The following SLC30A7 variants were observed in gnomAD, a reference collection of about 807,000 sequenced individuals.
SLC30A7 encodes zinc transporter 7.
A neutral mutation model predicts 46.0 loss-of-function variants in SLC30A7; 35 were observed. That is an observed-to-expected ratio of 0.76 (90% CI 0.58 to 1.01). The LOEUF is 1.01. Ranked by LOEUF, SLC30A7 falls within the 50% of genes least tolerant of loss-of-function variation. The probability of loss-of-function intolerance (pLI) is 0.00; values close to 1 mark genes in which losing one functional copy is unlikely to be tolerated. For synonymous variants in SLC30A7, 147 were observed against 157.8 expected (o/e 0.93, Z 0.51); for missense variants, 464 against 451.1 (o/e 1.03, Z -0.26).
At chr1:100,943,798 T>C (rs1287067443) in intron 8 of SLC30A7, among the ~76,000 whole-genome samples, 1 of 152,228 alleles carries the variant, frequency 6.6e-6, no homozygotes, top group Non-Finnish European at 1.5e-5. Flanking sequence ...TGTGGTAATG[T>C]GGTATGATTT....
At chr1:100,938,969 C>T (rs541945524) in intron 8 of SLC30A7, among the ~76,000 whole-genome samples, 1 of 152,310 alleles carries the variant, frequency 6.6e-6, no homozygotes, top group East Asian at 1.9e-4. Context: ...CCCACTCCCT[C>T]CTCTCTCTAG....
chr1:100,961,121 A>ATT (rs796193858), intron 8 of SLC30A7, among the ~76,000 whole-genome samples: 15 of 141,660 alleles, frequency 1.1e-4, no homozygotes, highest in South Asian at 4.6e-4. Flanking sequence ...TGCCCGGCTG[A>ATT]TTTTTTTTTT....
chr1:100,926,130 A>G (rs1177496659), intron 8 of SLC30A7, among the ~76,000 whole-genome samples: 1 of 152,176 alleles, frequency 6.6e-6, no homozygotes, highest in Non-Finnish European at 1.5e-5. Context: ...CCTACTTATA[A>G]ACTTCTCTGT....
chr1:100,985,928 CA>C (rs149965383), downstream of SLC30A7, among the ~76,000 whole-genome samples: 805 of 152,214 alleles, frequency 5.3e-3, 5 homozygotes, highest in African/African-American at 0.018. Context: ...ATATATCTTA[CA>C]AAAGGTTTTA....
chr1:100,978,861 C>A lies in SLC30A7; in HGVS notation c.*4004C>A, dbSNP rs1025498111. 3.3e-5 allele frequency: 5 copies of A among 152,108 alleles called. No homozygotes were observed. Among genetic ancestry groups the A allele is most frequent in the Non-Finnish European group, 7.4e-5 (5 of 67,990 alleles). 9.4% of individuals were successfully genotyped at this position (152,108 alleles called of 1,614,324 possible). On this transcript the variant is annotated 3_prime_UTR_variant, in exon 11 of 11. Coordinates refer to ENST00000357650, the MANE Select transcript of SLC30A7 (RefSeq NM_133496.5). ...AACCAGTTCCTGACATTTTAAAAAA[C>A]AATATCTGTAAAATGGATCCTTTTA...
At chr1:100,913,599 A>C (rs1022397212) in intron 5 of SLC30A7, 64 bp from the exon 6 acceptor site, 1 of 1,238,442 alleles carries the variant, frequency 8.1e-7, no homozygotes. Flanking sequence ...TAGTGTCAGT[A>C]TAATTGTAAC....
chr1:100,965,346 T>G (rs1457975453), intron 9 of SLC30A7, among the ~76,000 whole-genome samples: 1 of 152,258 alleles, frequency 6.6e-6, no homozygotes, highest in Non-Finnish European at 1.5e-5. Flanking sequence ...GATTTGGGTA[T>G]CTGTCTTTTT....
chr1:100,946,612 G>T (rs1654654153), intron 8 of SLC30A7, among the ~76,000 whole-genome samples: 1 of 152,190 alleles, frequency 6.6e-6, no homozygotes, highest in East Asian at 1.9e-4. Flanking sequence ...TGTTGAACCA[G>T]CCTTGCATCC....
At chr1:100,992,780 A>G in the SLC30A7 span, 17 of 1,372,036 alleles carry the variant, frequency 1.2e-5, no homozygotes, top group South Asian at 1.3e-4. Flanking sequence ...CTTAGCCATG[A>G]AACTACATAA....
chr1:100,898,250 T>A (rs1651096599), intron 2 of SLC30A7, among the ~76,000 whole-genome samples: 1 of 152,206 alleles, frequency 6.6e-6, no homozygotes, highest in Non-Finnish European at 1.5e-5. Flanking sequence ...AAATATCTCA[T>A]TCAAGAGATT....
chr1:100,941,787 A>C, intron 8 of SLC30A7: 1 of 610,262 alleles, frequency 1.6e-6, no homozygotes, highest in Non-Finnish European at 3.1e-6. Flanking sequence ...TGACAAACCC[A>C]AAGCCCCTGG....
At chr1:100,983,574 CTT>C (rs1050621645), downstream of SLC30A7, among the ~76,000 whole-genome samples, 1 of 152,124 alleles carries the variant, frequency 6.6e-6, no homozygotes, top group Non-Finnish European at 1.5e-5. Flanking sequence ...TTAATGTAAA[CTT>C]TAACTCCTCT....
chr1:100,937,000 T>C (rs1410192375), intron 8 of SLC30A7, among the ~76,000 whole-genome samples: 1 of 152,184 alleles, frequency 6.6e-6, no homozygotes, highest in African/African-American at 2.4e-5. Flanking sequence ...GTATATTTAC[T>C]CATACTCATA....
intron 10 of SLC30A7, among the ~76,000 whole-genome samples, chr1:100,968,803 T>A (rs1656000255): frequency 1.3e-5 from 2 of 152,342 alleles, no homozygotes; most frequent in South Asian, 4.1e-4. Flanking sequence ...CTGTCATGAT[T>A]TTGCATTCCC....
At chr1:100,993,182 T>C in the SLC30A7 span, among the ~76,000 whole-genome samples, 1 of 152,104 alleles carries the variant, frequency 6.6e-6, no homozygotes, top group South Asian at 2.1e-4. Flanking sequence ...CTTAAAAATC[T>C]CAGGTGATGG....
intron 8 of SLC30A7, among the ~76,000 whole-genome samples, chr1:100,948,056 T>G (rs1383459526): frequency 6.6e-6 from 1 of 152,202 alleles, no homozygotes; most frequent in Non-Finnish European, 1.5e-5. Context: ...ACATTTAAGG[T>G]TAATATTGTT....
At chr1:100,983,847 G>C (rs1485428152), downstream of SLC30A7, among the ~76,000 whole-genome samples, 2 of 152,200 alleles carry the variant, frequency 1.3e-5, no homozygotes, top group Non-Finnish European at 2.9e-5. Context: ...GTATGTCATT[G>C]TGACTTGTAA....
intron 6 of SLC30A7, among the ~76,000 whole-genome samples, chr1:100,915,197 CTT>C (rs368693206): frequency 1.6e-5 from 1 of 61,872 alleles, no homozygotes; most frequent in Non-Finnish European, 3.4e-5. Flanking sequence ...TCTTTCTTTT[CTT>C]TCTTTCTTTC....
At chr1:100,948,501 G>A (rs1198785405) in intron 8 of SLC30A7, among the ~76,000 whole-genome samples, 5 of 152,100 alleles carry the variant, frequency 3.3e-5, no homozygotes, top group African/African-American at 7.2e-5. Flanking sequence ...CAACCTTGGC[G>A]AATCTGACAA....
Sources: gnomAD v4.1 joint callset for allele counts (sites outside exome capture counted in the v4.1 genomes callset) on GRCh38, gnomAD v4.1.1 for gene constraint, MANE v1.5 for transcripts, NCBI Gene and HGNC (gene_info 2026-07-23, HGNC 2026-07-21) for gene names.